Variants in IL31RA observed in about 807,000 individuals in gnomAD.
IL31RA encodes the protein interleukin 31 receptor A, also known as interleukin-31 receptor subunit alpha.
IL31RA carries 66 observed loss-of-function variants against 83.7 expected under a neutral mutation model. The ratio of observed to expected loss-of-function variants is 0.79; its 90% CI spans 0.65 to 0.97. The LOEUF (loss-of-function observed/expected upper bound fraction) is 0.97, where lower values mean the gene tolerates loss of function less well. IL31RA is among the 50% of genes least tolerant of loss of function. The probability of loss-of-function intolerance (pLI) is 0.00; values close to 1 mark genes in which losing one functional copy is unlikely to be tolerated. For synonymous variants in IL31RA, 325 were observed against 329.0 expected, an observed-to-expected ratio of 0.99 and a Z score of 0.13; for missense variants, 798 against 919.4, an observed-to-expected ratio of 0.87 and a Z score of 1.71.
Position 55,896,397 on chromosome 5 carries a change from G to A in IL31RA, c.820G>A (p.Asp274Asn), listed in dbSNP as rs745542100. 6.2e-7 allele frequency: 1 copy of A among 1,613,794 alleles called. No individual in the cohort carries two copies. Among genetic ancestry groups the A allele is most frequent in the East Asian group, 2.2e-5 (1 of 44,862 alleles). ...GAGAGTCCTGAAACCAGCTGAGGCG[G>A]ATGGAAGAAGGCCAGTGCGGTTGTT... Reference protein sequence around the residue: ...LWRVLKPAEADGRRPVRLLWK... With the variant: ...LWRVLKPAEANGRRPVRLLWK... The change falls in exon 7 of 15, where the codon GAT becomes AAT. Residue 274 changes from aspartate to asparagine, a missense_variant. Physicochemically the swap from Asp to Asn is conservative, Grantham distance 23 (BLOSUM62 1). Transcript: ENST00000652347.
chr5:55,901,491 A>G (rs984660396), intron 8 of IL31RA, among the ~76,000 whole-genome samples: 5 of 152,136 alleles, frequency 3.3e-5, no homozygotes, highest in Admixed American at 6.5e-5. Flanking sequence ...AAATGGAGCT[A>G]TTATATAATA....
intron 4 of IL31RA, among the ~76,000 whole-genome samples, chr5:55,873,477 A>C (rs985486065): frequency 4.6e-5 from 7 of 152,152 alleles, no homozygotes; most frequent in African/African-American, 1.7e-4. Flanking sequence ...TAGAACTGCT[A>C]AACTTTATCA....
At chr5:55,879,113 C>T (rs772383998) in intron 4 of IL31RA, among the ~76,000 whole-genome samples, 6 of 152,134 alleles carry the variant, frequency 3.9e-5, no homozygotes, top group Non-Finnish European at 8.8e-5. Flanking sequence ...TGGCTCTTTT[C>T]CTGCCTGAGA....
intron 6 of IL31RA, 28 bp downstream of exon 6, chr5:55,890,163 T>C (rs1278253072): frequency 6.2e-7 from 1 of 1,610,676 alleles, no homozygotes; most frequent in East Asian, 2.2e-5. Context: ...ATTCCCGTCC[T>C]GTCTGCTCTG....
Position 55,916,925 on chromosome 5 carries a change from C to T in IL31RA, c.2100C>T (p.Ser700=), listed in dbSNP as rs182694666. 2 of 1,613,974 alleles carry T rather than the reference C, an allele frequency of 1.2e-6. No homozygotes were observed. Among genetic ancestry groups the T allele is most frequent in the Admixed American group, 3.3e-5 (2 of 59,998 alleles). The change falls in exon 15 of 15, where the codon TCC becomes TCT. Residue 700 remains serine (S), a synonymous_variant. Coordinates refer to ENST00000652347, the MANE Select transcript of IL31RA (RefSeq NM_139017.7). The part of the protein sequence containing the change: ...PVSPEIPPRK[S]QYLRSRMPEG... ...CACCTGAGATTCCGCCCAGAAAATC[C>T]CAATACCTACGTTCGAGGATGCCAG... is the stretch of plus-strand genomic sequence containing the variant.
At chr5:55,882,894 A>G (rs747314236) in intron 4 of IL31RA, 150 bp from the exon 5 acceptor site, 11 of 691,918 alleles carry the variant, frequency 1.6e-5, no homozygotes, top group East Asian at 2.7e-5. Context: ...TGGGGGGGTG[A>G]CATTCCTTTT....
At chr5:55,876,277 G>A (rs971002742) in intron 4 of IL31RA, among the ~76,000 whole-genome samples, 8 of 151,940 alleles carry the variant, frequency 5.3e-5, no homozygotes, top group South Asian at 4.2e-4. Flanking sequence ...ATGGTGGTGC[G>A]CACCTGTAGT....
intron 7 of IL31RA, 77 bp downstream of exon 7, chr5:55,896,506 CTT>C: frequency 1.2e-6 from 1 of 847,588 alleles, no homozygotes; most frequent in African/African-American, 1.9e-5. Context: ...CCTTCCCTCC[CTT>C]CCATCCCTTC....
intron 7 of IL31RA, among the ~76,000 whole-genome samples, chr5:55,899,175 C>T (rs535004177): frequency 9.9e-5 from 15 of 152,254 alleles, no homozygotes; most frequent in Middle Eastern, 3.4e-3. Context: ...GACGAAGTGC[C>T]TGCTAAAGTC....
At chr5:55,845,829 A>G in the IL31RA span, among the ~76,000 whole-genome samples, 1 of 152,180 alleles carries the variant, frequency 6.6e-6, no homozygotes, top group Non-Finnish European at 1.5e-5. Flanking sequence ...AGGCCTTGTT[A>G]AGAAGAACGA....
chr5:55,908,466 T>A, intron 11 of IL31RA, 55 bp downstream of exon 11: 1 of 1,614,188 alleles, frequency 6.2e-7, no homozygotes, highest in Non-Finnish European at 8.5e-7. Context: ...ATAGATGCTA[T>A]GGATAGACCT....
At chr5:55,856,720 T>C (rs1224633203) in intron 1 of IL31RA, among the ~76,000 whole-genome samples, 1 of 152,198 alleles carries the variant, frequency 6.6e-6, no homozygotes, top group Non-Finnish European at 1.5e-5. Context: ...GGTGAGGTCT[T>C]GTGGCTGCCC....
chr5:55,871,473 A>G (rs572394937), intron 3 of IL31RA, among the ~76,000 whole-genome samples: 1 of 152,252 alleles, frequency 6.6e-6, no homozygotes, highest in Non-Finnish European at 1.5e-5. Flanking sequence ...AGAACCACCC[A>G]TCTGATTCCC....
At chr5:55,915,973 A>G (rs1749758870) in intron 14 of IL31RA, among the ~76,000 whole-genome samples, 1 of 152,248 alleles carries the variant, frequency 6.6e-6, no homozygotes, top group Non-Finnish European at 1.5e-5. Context: ...GTCTGTCTCT[A>G]TGATGTGGTT....
upstream of IL31RA, among the ~76,000 whole-genome samples, chr5:55,847,244 AAAATAAAT>A (rs371149253): frequency 0.051 from 3,091 of 61,006 alleles, 75 homozygotes; most frequent in African/African-American, 0.11. Context: ...AAAAAAAATA[AAAATAAAT>A]AAATAAATAA....
intron 1 of IL31RA, among the ~76,000 whole-genome samples, chr5:55,854,242 A>G (rs986209899): frequency 1.3e-5 from 2 of 152,248 alleles, no homozygotes; most frequent in South Asian, 2.1e-4. Context: ...CCACAACCCA[A>G]ATGGATTTAT....
intron 7 of IL31RA, 95 bp downstream of exon 7, chr5:55,896,524 T>TTC: frequency 1.6e-6 from 1 of 637,648 alleles, no homozygotes; most frequent in Non-Finnish European, 2.7e-6. Context: ...CCTTCCATCC[T>TTC]CCTTCCCTTC....
rs1554020992 is a variant in IL31RA at position 55,922,064 on chromosome 5, G to GGGC, written c.*4947_*4949dup. ...ACTCTTATGTTGTGGCGGGGGGGGG[G>GGGC]GGCGGTTCCTGAAGAGTGGAGTGTG... On this transcript the variant is annotated 3_prime_UTR_variant, in exon 15 of 15. Coordinates refer to ENST00000652347, the MANE Select transcript of IL31RA (RefSeq NM_139017.7). 6.8e-6 allele frequency among the ~76,000 whole-genome samples: 1 copy of GGGC among 146,272 alleles called. No individual in the cohort carries two copies. The highest frequency in any genetic ancestry group is 2.5e-5 in the African/African-American group (1 of 39,774).
Position 55,851,461 on chromosome 5 carries a change from A to T in IL31RA, c.-110A>T, listed in dbSNP as rs1005763519. On this transcript the variant is annotated 5_prime_UTR_variant, in exon 1 of 15. Coordinates refer to ENST00000652347, the MANE Select transcript of IL31RA (RefSeq NM_139017.7). ...ATAAAAGGCAAAAAATTGCAAAAAA[A>T]AATAGTAATAACCAGCATGGCACTA... The T allele has an allele frequency of 3.7e-6, 6 of 1,605,734 alleles. No homozygotes were observed. Among genetic ancestry groups the T allele is most frequent in the Non-Finnish European group, 5.1e-6 (6 of 1,174,848 alleles).
Sources: allele counts gnomAD v4.1 joint callset (sites outside exome capture counted in the v4.1 genomes callset), GRCh38; gene constraint gnomAD v4.1.1; transcripts MANE v1.5; gene names NCBI Gene and HGNC (gene_info 2026-07-23, HGNC 2026-07-21).